Variants in YWHAE observed in about 807,000 individuals in gnomAD.
The protein encoded by YWHAE is 14-3-3 protein epsilon.
Under a neutral mutation model 30.1 loss-of-function variants are expected in YWHAE, and 4 were observed. That is an observed-to-expected ratio of 0.13 (90% CI 0.07 to 0.30). The LOEUF (loss-of-function observed/expected upper bound fraction) is 0.30. YWHAE is among the 10% of genes least tolerant of loss of function. The pLI is 1.00. For synonymous variants in YWHAE, 118 were observed against 111.8 expected, an observed-to-expected ratio of 1.06 and a Z score of -0.35; for missense variants, 121 against 315.9, an observed-to-expected ratio of 0.38 and a Z score of 4.68.
At chr17:1,357,809 C>A (rs1293423650) in intron 4 of YWHAE, among the ~76,000 whole-genome samples, 1 of 150,380 alleles carries the variant, frequency 6.6e-6, no homozygotes, top group Non-Finnish European at 1.5e-5. Context: ...CGTCTGTAAT[C>A]CCAGCTACCT....
chr17:1,363,648 C>A (rs1356004965), intron 2 of YWHAE, among the ~76,000 whole-genome samples: 2 of 152,144 alleles, frequency 1.3e-5, no homozygotes, highest in South Asian at 2.1e-4. Context: ...GATAATACCT[C>A]CCCCTTCCAG....
intron 2 of YWHAE, among the ~76,000 whole-genome samples, chr17:1,363,836 T>A (rs1267582260): frequency 7.1e-6 from 1 of 140,086 alleles, no homozygotes. Flanking sequence ...TGTTCTTTCC[T>A]GTATTTACGT....
intron 1 of YWHAE, among the ~76,000 whole-genome samples, chr17:1,396,402 A>C (rs762768260): frequency 3.3e-5 from 5 of 152,036 alleles, no homozygotes; most frequent in Non-Finnish European, 7.4e-5. Context: ...AAAGCCTGGG[A>C]GACAGAGCGA....
chr17:1,392,742 C>T (rs1393181436), intron 1 of YWHAE, among the ~76,000 whole-genome samples: 1 of 151,508 alleles, frequency 6.6e-6, no homozygotes, highest in African/African-American at 2.4e-5. Flanking sequence ...CTCAGCTACT[C>T]GGGAGGCTGA....
At chr17:1,381,393 C>T (rs938327625) in intron 1 of YWHAE, among the ~76,000 whole-genome samples, 2 of 151,970 alleles carry the variant, frequency 1.3e-5, no homozygotes, top group African/African-American at 4.8e-5. Context: ...GCTGTAATCC[C>T]AGCTACTCAG....
intron 1 of YWHAE, among the ~76,000 whole-genome samples, chr17:1,379,521 G>T (rs550475170): frequency 6.6e-6 from 1 of 152,006 alleles, no homozygotes; most frequent in African/African-American, 2.4e-5. Context: ...CTTCTAATTC[G>T]AATGACGAAA....
intron 1 of YWHAE, among the ~76,000 whole-genome samples, chr17:1,397,439 C>T (rs190011763): frequency 9.9e-5 from 15 of 152,214 alleles, no homozygotes; most frequent in Admixed American, 6.5e-5. Context: ...CTCTTCCTCC[C>T]GTACTGTTAA....
chr17:1,345,423 T>C lies in YWHAE; in HGVS notation c.*24A>G, dbSNP rs200081243. The C allele has an allele frequency of 1.2e-5, 20 of 1,613,110 alleles. No individual in the cohort carries two copies. Among genetic ancestry groups the C allele is most frequent in the Middle Eastern group, 1.7e-4 (1 of 6,056 alleles). On this transcript the variant is annotated 3_prime_UTR_variant, in exon 6 of 6. Transcript: ENST00000264335. Reference sequence around the variant, plus strand: ...ATGGGGAGGAGGGGGTGGTCAGAGATGGTTTCTCTTGTTGGCTTATGTCTC... The same window carrying C: ...ATGGGGAGGAGGGGGTGGTCAGAGACGGTTTCTCTTGTTGGCTTATGTCTC...
chr17:1,370,340 C>G (rs1448460820), intron 1 of YWHAE, among the ~76,000 whole-genome samples: 4 of 151,392 alleles, frequency 2.6e-5, no homozygotes, highest in South Asian at 2.1e-4. Context: ...ACCATGTTAG[C>G]CAGGACGGTC....
intron 1 of YWHAE, 102 bp downstream of exon 1, chr17:1,399,945 A>T: frequency 6.9e-7 from 1 of 1,440,170 alleles, no homozygotes; most frequent in Non-Finnish European, 9.8e-7. Context: ...CCCCCGGGCC[A>T]GGCTCGCAGA....
intron 1 of YWHAE, among the ~76,000 whole-genome samples, chr17:1,378,401 T>C (rs1375444267): frequency 6.6e-6 from 1 of 152,202 alleles, no homozygotes; most frequent in Non-Finnish European, 1.5e-5. Context: ...TCACAGATAA[T>C]TCATGACAAT....
chr17:1,360,186 T>G (rs2072841713), intron 4 of YWHAE, among the ~76,000 whole-genome samples: 2 of 152,214 alleles, frequency 1.3e-5, no homozygotes, highest in South Asian at 4.1e-4. Context: ...GGTATCGAAC[T>G]CCTGATCTCA....
chr17:1,358,128 C>A (rs1411595613), intron 4 of YWHAE, among the ~76,000 whole-genome samples: 1 of 152,012 alleles, frequency 6.6e-6, no homozygotes, highest in Non-Finnish European at 1.5e-5. Context: ...GTGGCTCAGG[C>A]CTGTATTCTC....
intron 1 of YWHAE, among the ~76,000 whole-genome samples, chr17:1,380,403 C>T (rs2073189369): frequency 6.6e-6 from 1 of 152,090 alleles, no homozygotes. Flanking sequence ...CCAGCCCAGA[C>T]TAGATTTTCA....
At chr17:1,396,744 G>A (rs143790595) in intron 1 of YWHAE, among the ~76,000 whole-genome samples, 1,878 of 150,098 alleles carry the variant, frequency 0.013, 30 homozygotes, top group East Asian at 0.053. Flanking sequence ...TCCTGCCTCC[G>A]CCTCCCAAGT....
chr17:1,356,636 T>C (rs960356796), intron 4 of YWHAE, among the ~76,000 whole-genome samples: 1 of 152,140 alleles, frequency 6.6e-6, no homozygotes, highest in Non-Finnish European at 1.5e-5. Context: ...ACGATCCCTA[T>C]CTGGACAAAC....
chr17:1,353,534 G>A (rs1277069736), intron 5 of YWHAE, among the ~76,000 whole-genome samples: 3 of 151,860 alleles, frequency 2.0e-5, no homozygotes, highest in Non-Finnish European at 4.4e-5. Flanking sequence ...AGGCTGAGGC[G>A]GGCAGAACAC....
chr17:1,379,986 C>G (rs1055786145), intron 1 of YWHAE, among the ~76,000 whole-genome samples: 5 of 152,114 alleles, frequency 3.3e-5, no homozygotes, highest in African/African-American at 1.2e-4. Context: ...TTGTAGTACC[C>G]ACATACCACG....
At chr17:1,379,415 G>A (rs768066239) in intron 1 of YWHAE, among the ~76,000 whole-genome samples, 1 of 152,094 alleles carries the variant, frequency 6.6e-6, no homozygotes, top group South Asian at 2.1e-4. Context: ...AGCCCAGGAA[G>A]TCAAGGCTGC....
Sources: gnomAD v4.1 joint callset for allele counts (sites outside exome capture counted in the v4.1 genomes callset) on GRCh38, gnomAD v4.1.1 for gene constraint, MANE v1.5 for transcripts, NCBI Gene and HGNC (gene_info 2026-07-23, HGNC 2026-07-21) for gene names.